UCHL3: variants seen among roughly 807,000 people sequenced by gnomAD.
UCHL3 encodes ubiquitin C-terminal hydrolase L3.
UCHL3 carries 22 observed loss-of-function variants against 35.8 expected under a neutral mutation model. The ratio of observed to expected loss-of-function variants is 0.61; its 90% confidence interval spans 0.44 to 0.88. The LOEUF (loss-of-function observed/expected upper bound fraction) is 0.88. Ranked by LOEUF, UCHL3 falls within the 40% of genes least tolerant of loss-of-function variation. UCHL3 has a pLI of 0.00. For synonymous variants in UCHL3, 90 were observed against 92.8 expected (o/e 0.97, Z 0.17); for missense variants, 229 against 276.9 (o/e 0.83, Z 1.23).
intron 6 of UCHL3, chr13:75,589,832 A>G (rs2032427213): frequency 1.1e-6 from 1 of 897,976 alleles, no homozygotes; most frequent in Non-Finnish European, 1.5e-6. Context: ...GTTATTAAAA[A>G]TAGTAGACCA....
chr13:75,561,649 C>G (rs2031498753), intron 3 of UCHL3, among the ~76,000 whole-genome samples: 1 of 151,670 alleles, frequency 6.6e-6, no homozygotes. Flanking sequence ...AATCACTAAG[C>G]TTAAATATAT....
In UCHL3 at chr13:75,552,403, T is replaced by C. The variant is rs1051298548; in HGVS notation, c.54+2416T>C. 5.9e-5 allele frequency among the ~76,000 whole-genome samples: 9 copies of C among 152,372 alleles called. No homozygotes were observed. In the East Asian group the frequency reaches 1.7e-3, roughly 29 times the overall value. On this transcript the variant is annotated intron_variant, in intron 2 of 8. Coordinates refer to ENST00000377595, the MANE Select transcript of UCHL3 (RefSeq NM_006002.5). ...ATCTTGAACTCACTCTGTTACCATCTGGTAATTGCATGTGTTGTTATTATA... is the reference window on the plus strand; with the variant it reads ...ATCTTGAACTCACTCTGTTACCATCCGGTAATTGCATGTGTTGTTATTATA...
At chr13:75,575,894 G>A (rs886822413) in intron 6 of UCHL3, among the ~76,000 whole-genome samples, 10 of 152,082 alleles carry the variant, frequency 6.6e-5, no homozygotes, top group African/African-American at 2.2e-4. Flanking sequence ...TGGGACTACA[G>A]GTGTGTGCCA....
At chr13:75,561,566 C>T (rs2031496690) in intron 3 of UCHL3, among the ~76,000 whole-genome samples, 1 of 151,374 alleles carries the variant, frequency 6.6e-6, no homozygotes, top group South Asian at 2.1e-4. Context: ...AAGGAATCTT[C>T]TTTGCTTATT....
chr13:75,582,000 G>A (rs8192753), intron 6 of UCHL3, among the ~76,000 whole-genome samples: 66,774 of 151,874 alleles, frequency 0.44, 16,174 homozygotes, highest in East Asian at 0.6. Flanking sequence ...GTTGACAGTT[G>A]ATGGGCGAGT....
intron 7 of UCHL3, 22 bp from the exon 8 acceptor site, chr13:75,604,747 A>G (rs1243716608): frequency 1.3e-6 from 2 of 1,585,460 alleles, no homozygotes; most frequent in South Asian, 1.2e-5. Flanking sequence ...TAAGCATTCA[A>G]TTGTTTGTCT....
intron 6 of UCHL3, among the ~76,000 whole-genome samples, chr13:75,588,169 A>G (rs886351036): frequency 4.0e-5 from 6 of 151,868 alleles, no homozygotes; most frequent in Non-Finnish European, 5.9e-5. Flanking sequence ...CCTTATTTCT[A>G]TTTCTGTTCT....
intron 4 of UCHL3, 130 bp from the exon 5 acceptor site, chr13:75,567,097 A>T: frequency 1.1e-6 from 1 of 924,980 alleles, no homozygotes; most frequent in Non-Finnish European, 1.6e-6. Flanking sequence ...TTATAACATG[A>T]TCCTTACATT....
chr13:75,591,418 GT>G (rs1420076242), intron 6 of UCHL3, among the ~76,000 whole-genome samples: 2 of 152,130 alleles, frequency 1.3e-5, no homozygotes, highest in Non-Finnish European at 1.5e-5. Context: ...GAGATACAAG[GT>G]GAACTAAATG....
intron 6 of UCHL3, chr13:75,590,232 C>G (rs995705599): frequency 9.1e-5 from 109 of 1,191,376 alleles, no homozygotes; most frequent in Non-Finnish European, 1.0e-4. Flanking sequence ...TCTTGGTTCA[C>G]TCAACCATTA....
chr13:75,555,632 G>A (rs1197430818), intron 2 of UCHL3, among the ~76,000 whole-genome samples: 2 of 148,884 alleles, frequency 1.3e-5, no homozygotes, highest in Non-Finnish European at 3.0e-5. Context: ...TAATATATAA[G>A]TAGAAGAATT....
intron 6 of UCHL3, among the ~76,000 whole-genome samples, chr13:75,576,282 T>C (rs1259972531): frequency 2.0e-5 from 3 of 152,142 alleles, no homozygotes; most frequent in African/African-American, 7.2e-5. Flanking sequence ...CAGGCTGGAG[T>C]GTAGTGGCGC....
In UCHL3 at chr13:75,566,694, G is replaced by A. The variant is rs1330155564; in HGVS notation, c.184-1G>A. 2 of 1,484,014 alleles carry A rather than the reference G, an allele frequency of 1.3e-6. No individual in the cohort carries two copies. Among genetic ancestry groups the A allele is most frequent in the Admixed American group, 2.3e-5 (1 of 44,124 alleles). 91.9% of individuals were successfully genotyped at this position (1,484,014 alleles called of 1,614,324 possible). The stretch of plus-strand genomic sequence containing the variant: ...CACTGTTGACTTTTTTTTTTTAATA[G>A]TATGAAGTATTCAGAACAGAAGAGG... On this transcript the variant is annotated splice_acceptor_variant, in intron 3 of 8. Transcript: ENST00000377595. LOFTEE classifies it high-confidence loss of function.
chr13:75,559,393 C>A (rs1349290237), intron 2 of UCHL3, among the ~76,000 whole-genome samples: 1 of 152,138 alleles, frequency 6.6e-6, no homozygotes, highest in African/African-American at 2.4e-5. Flanking sequence ...TGAACCTAAT[C>A]TTTGCTGAAC....
At chr13:75,553,110 A>G (rs1183282594) in intron 2 of UCHL3, among the ~76,000 whole-genome samples, 1 of 152,248 alleles carries the variant, frequency 6.6e-6, no homozygotes, top group Admixed American at 6.5e-5. Flanking sequence ...ATTGCCTTAA[A>G]TAATCACAAT....
chr13:75,565,242 A>G (rs1173497407), intron 3 of UCHL3, among the ~76,000 whole-genome samples: 1 of 152,196 alleles, frequency 6.6e-6, no homozygotes, highest in Non-Finnish European at 1.5e-5. Flanking sequence ...AACATTAACA[A>G]CAGACTAAGC....
At chr13:75,588,188 A>T (rs528937356) in intron 6 of UCHL3, among the ~76,000 whole-genome samples, 2 of 152,162 alleles carry the variant, frequency 1.3e-5, no homozygotes, top group South Asian at 2.1e-4. Context: ...CTTTTCTCAC[A>T]CTGAATTCTT....
chr13:75,582,635 A>G (rs2032217989), intron 6 of UCHL3, among the ~76,000 whole-genome samples: 1 of 152,264 alleles, frequency 6.6e-6, no homozygotes, highest in Admixed American at 6.5e-5. Context: ...ATTCAAAAAT[A>G]AACTGTAGAC....
intron 7 of UCHL3, among the ~76,000 whole-genome samples, chr13:75,602,095 C>T (rs1463813987): frequency 4.2e-5 from 6 of 143,724 alleles, no homozygotes; most frequent in East Asian, 2.1e-4. Flanking sequence ...GGCGACAGAG[C>T]GAGACTCTGT....
Sources: allele counts gnomAD v4.1 joint callset (sites outside exome capture counted in the v4.1 genomes callset), GRCh38; gene constraint gnomAD v4.1.1; transcripts MANE v1.5; gene names NCBI Gene and HGNC (gene_info 2026-07-23, HGNC 2026-07-21).